Variants in BBS9 observed in about 807,000 individuals in gnomAD.
BBS9 encodes the protein protein PTHB1.
In BBS9, 89 loss-of-function variants were observed where a neutral mutation model predicts 117.7. That is an observed-to-expected ratio of 0.76 (90% CI 0.64 to 0.90). The LOEUF is 0.90. Ranked by LOEUF, BBS9 falls within the 40% of genes least tolerant of loss-of-function variation. The pLI, the probability that BBS9 is intolerant of heterozygous loss-of-function variation, is 0.00. For missense variants in BBS9, 982 were observed against 1,042.2 expected, an observed-to-expected ratio of 0.94 and a Z score of 0.80; for synonymous variants, 379 against 370.9, an observed-to-expected ratio of 1.02 and a Z score of -0.25.
Position 33,386,773 on chromosome 7 carries a change from C to T in BBS9, c.1963-1219C>T, listed in dbSNP as rs537918048. On this transcript the variant is annotated intron_variant, in intron 18 of 22. Transcript: ENST00000242067. Reference sequence around the variant, plus strand: ...CCTCCCAAAGTTCTGGGATTACAGGCGTGAGCCACCGTGCCCGGCCGCTTT... The same window carrying T: ...CCTCCCAAAGTTCTGGGATTACAGGTGTGAGCCACCGTGCCCGGCCGCTTT... Among the ~76,000 whole-genome samples the T allele has an allele frequency of 2.4e-3, 371 of 152,078 alleles. 2 individuals are homozygous for T. The highest frequency in any genetic ancestry group is 3.4e-3 in the Middle Eastern group (1 of 294).
At chr7:33,466,815 G>A (rs1840229767) in intron 19 of BBS9, among the ~76,000 whole-genome samples, 1 of 152,104 alleles carries the variant, frequency 6.6e-6, no homozygotes, top group African/African-American at 2.4e-5. Flanking sequence ...GAAGTCCAGT[G>A]GCATGTATTT....
chr7:33,520,976 A>G (rs556255923), intron 20 of BBS9, among the ~76,000 whole-genome samples: 21 of 152,166 alleles, frequency 1.4e-4, no homozygotes, highest in Admixed American at 9.2e-4. Flanking sequence ...TGCATTATCA[A>G]TTTGATTTAC....
chr7:33,409,443 G>A (rs1338468428), intron 19 of BBS9, among the ~76,000 whole-genome samples: 1 of 152,072 alleles, frequency 6.6e-6, no homozygotes, highest in Non-Finnish European at 1.5e-5. Flanking sequence ...TTTTGTTAAT[G>A]TGTTAAAGAT....
intron 5 of BBS9, among the ~76,000 whole-genome samples, chr7:33,215,203 A>G (rs1007430240): frequency 1.3e-5 from 2 of 152,228 alleles, no homozygotes; most frequent in Non-Finnish European, 2.9e-5. Flanking sequence ...AGAAAAGAAA[A>G]GAACACAGCT....
intron 5 of BBS9, among the ~76,000 whole-genome samples, chr7:33,183,340 A>G (rs867337882): frequency 3.3e-5 from 5 of 152,146 alleles, no homozygotes; most frequent in Admixed American, 2.0e-4. Flanking sequence ...ACTGAGAAGA[A>G]AAAACCCCTT....
At chr7:33,294,605 A>G (rs1164379333) in intron 9 of BBS9, among the ~76,000 whole-genome samples, 2 of 152,198 alleles carry the variant, frequency 1.3e-5, no homozygotes, top group African/African-American at 2.4e-5. Context: ...TTAAGAGGCA[A>G]TCTTTAATGT....
Position 33,598,034 on chromosome 7 carries a change from G to A in BBS9, c.2522-6831G>A, listed in dbSNP as rs533006487. 7.2e-5 allele frequency among the ~76,000 whole-genome samples: 11 copies of A among 151,928 alleles called. No individual in the cohort carries two copies. The East Asian group carries it at 1.7e-3, about 24-fold the overall frequency. On this transcript the variant is annotated intron_variant, in intron 21 of 22. Coordinates refer to ENST00000242067, the MANE Select transcript of BBS9 (RefSeq NM_198428.3). The stretch of plus-strand genomic sequence containing the variant: ...GATGGGGCAACTGATGATCTGCCTC[G>A]GGTCCTACAGCTAGGTGCAGCTTGG...
chr7:33,313,451 G>T (rs547700165), intron 9 of BBS9, among the ~76,000 whole-genome samples: 8 of 152,130 alleles, frequency 5.3e-5, no homozygotes, highest in Admixed American at 1.3e-4. Flanking sequence ...TTTTTTTCTG[G>T]TTAGCAATTG....
chr7:33,264,339 G>A lies in BBS9; in HGVS notation c.667G>A (p.Glu223Lys), dbSNP rs1583964086. ...AGATGCAGATAAAAGGCAGGAGACT[G>A]AACAGCAAAAACTTGGTTCTGGAAA... ...ATDADKRQET[E>K]QQKLGSGKRL... The change falls in exon 7 of 23, where the codon GAA becomes AAA. Residue 223 changes from glutamate (E) to lysine (K), a missense_variant. By Grantham distance (56) the Glu-to-Lys change is moderately conservative (BLOSUM62 1). Transcript: ENST00000242067. 6.3e-7 allele frequency: 1 copy of A among 1,581,150 alleles called. No homozygotes were observed. Among genetic ancestry groups the A allele is most frequent in the Non-Finnish European group, 8.6e-7 (1 of 1,163,050 alleles).
At chr7:33,234,308 G>C (rs1793058967) in intron 5 of BBS9, among the ~76,000 whole-genome samples, 1 of 151,978 alleles carries the variant, frequency 6.6e-6, no homozygotes, top group East Asian at 1.9e-4. Flanking sequence ...GGATAGGGGA[G>C]ACTGCTATAA....
At chr7:33,432,073 T>TTTTC (rs552221500) in intron 19 of BBS9, among the ~76,000 whole-genome samples, 1 of 151,930 alleles carries the variant, frequency 6.6e-6, no homozygotes, top group African/African-American at 2.4e-5. Flanking sequence ...CCAGGATTTT[T>TTTTC]TTTCTTTCTT....
intron 4 of BBS9, among the ~76,000 whole-genome samples, chr7:33,159,560 A>C (rs4723266): frequency 0.16 from 24,609 of 152,202 alleles, 2,129 homozygotes; most frequent in South Asian, 0.21. Flanking sequence ...ATGGCCTTCC[A>C]TAATTTTATT....
intron 5 of BBS9, among the ~76,000 whole-genome samples, chr7:33,203,345 A>G (rs1302867326): frequency 1.3e-5 from 2 of 152,174 alleles, no homozygotes; most frequent in Non-Finnish European, 2.9e-5. Flanking sequence ...CTGATTCAGT[A>G]GGAGTGGCAT....
intron 3 of BBS9, among the ~76,000 whole-genome samples, chr7:33,154,299 C>T (rs2128111226): frequency 6.6e-6 from 1 of 152,194 alleles, no homozygotes; most frequent in South Asian, 2.1e-4. Flanking sequence ...AAATAAGATA[C>T]TAACACTCTG....
At chr7:33,277,690 AG>A (rs1249925458) in intron 9 of BBS9, among the ~76,000 whole-genome samples, 2 of 152,052 alleles carry the variant, frequency 1.3e-5, no homozygotes, top group Non-Finnish European at 2.9e-5. Flanking sequence ...ATTGTTTGGA[AG>A]GTGCAATCAT....
At chr7:33,448,173 G>A (rs975419558) in intron 19 of BBS9, among the ~76,000 whole-genome samples, 1 of 152,046 alleles carries the variant, frequency 6.6e-6, no homozygotes, top group Non-Finnish European at 1.5e-5. Context: ...TAGCTGCAGC[G>A]TTGCCTTGGT....
At chr7:33,367,380 T>C (rs1821979394) in intron 16 of BBS9, among the ~76,000 whole-genome samples, 1 of 152,216 alleles carries the variant, frequency 6.6e-6, no homozygotes, top group African/African-American at 2.4e-5. Flanking sequence ...TCTTTGATAC[T>C]CTAATATTTT....
intron 4 of BBS9, among the ~76,000 whole-genome samples, chr7:33,163,630 A>G (rs1795214757): frequency 6.6e-6 from 1 of 152,128 alleles, no homozygotes; most frequent in African/African-American, 2.4e-5. Context: ...AGGTGTTTAT[A>G]GTATTCTCTG....
At chr7:33,550,041 T>C (rs910595113) in intron 21 of BBS9, among the ~76,000 whole-genome samples, 1 of 128,270 alleles carries the variant, frequency 7.8e-6, no homozygotes, top group African/African-American at 3.2e-5. Flanking sequence ...GGATTTCTAC[T>C]GATTCATATA....
Sources: allele counts gnomAD v4.1 joint callset (sites outside exome capture counted in the v4.1 genomes callset), GRCh38; gene constraint gnomAD v4.1.1; transcripts MANE v1.5; gene names NCBI Gene and HGNC (gene_info 2026-07-23, HGNC 2026-07-21).